Variants in VSIG10 observed in about 807,000 individuals in gnomAD.
VSIG10 encodes the protein V-set and immunoglobulin domain-containing protein 10.
A neutral mutation model predicts 58.7 loss-of-function variants in VSIG10; 48 were observed. The ratio of observed to expected loss-of-function variants is 0.82; its 90% confidence interval spans 0.65 to 1.04. The LOEUF is 1.04. VSIG10 is among the 50% of genes least tolerant of loss of function. The probability of loss-of-function intolerance (pLI) is 0.00; values close to 1 mark genes in which losing one functional copy is unlikely to be tolerated. For missense variants in VSIG10, 628 were observed against 670.0 expected, an observed-to-expected ratio of 0.94 and a Z score of 0.69; for synonymous variants, 260 against 267.1, an observed-to-expected ratio of 0.97 and a Z score of 0.26.
intron 4 of VSIG10, among the ~76,000 whole-genome samples, chr12:118,077,184 T>C (rs531183084): frequency 4.6e-5 from 7 of 152,270 alleles, no homozygotes; most frequent in African/African-American, 1.7e-4. Context: ...CCGGCCACAC[T>C]GGTCTTCTCT....
chr12:118,092,950 A>G (rs1215737449), intron 2 of VSIG10, among the ~76,000 whole-genome samples: 14 of 151,704 alleles, frequency 9.2e-5, no homozygotes, highest in Non-Finnish European at 1.6e-4. Context: ...TATGATTTTC[A>G]TGTCACAAAT....
At chr12:118,084,621 G>A (rs1434826061) in intron 2 of VSIG10, among the ~76,000 whole-genome samples, 1 of 152,160 alleles carries the variant, frequency 6.6e-6, no homozygotes, top group Non-Finnish European at 1.5e-5. Flanking sequence ...GGCTCATCCT[G>A]TAATCCCAGC....
chr12:118,075,093 T>C (rs1330219700), intron 4 of VSIG10, among the ~76,000 whole-genome samples: 2 of 148,204 alleles, frequency 1.3e-5, no homozygotes, highest in African/African-American at 5.0e-5. Flanking sequence ...TATATATATG[T>C]ATATATGTAT....
At chr12:118,091,960 T>C (rs2033312916) in intron 2 of VSIG10, among the ~76,000 whole-genome samples, 1 of 152,150 alleles carries the variant, frequency 6.6e-6, no homozygotes, top group Non-Finnish European at 1.5e-5. Flanking sequence ...GGTTTCACCA[T>C]GTTAGCCAGG....
chr12:118,082,499 A>G (rs914043674), intron 2 of VSIG10, 70 bp from the exon 3 acceptor site: 9 of 1,444,874 alleles, frequency 6.2e-6, no homozygotes, highest in Non-Finnish European at 8.4e-6. Flanking sequence ...TACCAACTCT[A>G]ATATATAAAT....
At chr12:118,080,474 T>C (rs536514469) in intron 3 of VSIG10, among the ~76,000 whole-genome samples, 17 of 152,294 alleles carry the variant, frequency 1.1e-4, no homozygotes, top group African/African-American at 3.8e-4. Flanking sequence ...TCTGCATTTC[T>C]ACCGTGGTTT....
chr12:118,072,807 T>G (rs990650076), intron 5 of VSIG10, among the ~76,000 whole-genome samples: 1 of 151,946 alleles, frequency 6.6e-6, no homozygotes, highest in Non-Finnish European at 1.5e-5. Context: ...ACAGGGAGGG[T>G]TCCCAGGTAA....
chr12:118,098,684 A>C (rs1339128629), intron 1 of VSIG10, among the ~76,000 whole-genome samples: 1 of 152,152 alleles, frequency 6.6e-6, no homozygotes, highest in Non-Finnish European at 1.5e-5. Context: ...AGGAAGCCAA[A>C]CTGAGATCTG....
intron 1 of VSIG10, among the ~76,000 whole-genome samples, chr12:118,103,392 C>T (rs1195232554): frequency 1.3e-5 from 2 of 152,146 alleles, no homozygotes; most frequent in South Asian, 2.1e-4. Flanking sequence ...GGTATCTCGC[C>T]CCGCACCGGG....
chr12:118,066,477 G>A lies in VSIG10; in HGVS notation c.*162C>T, dbSNP rs921599100. 5 of 709,662 alleles carry A rather than the reference G, an allele frequency of 7.0e-6. No homozygotes were observed. Among genetic ancestry groups the A allele is most frequent in the African/African-American group, 5.3e-5 (3 of 56,418 alleles). 44.0% of individuals were successfully genotyped at this position (709,662 alleles called of 1,614,324 possible). Reference sequence around the variant, plus strand: ...AACCAATGTTTTTCAATACATGGAAGGAAAGATGTGTGTGCTTGGTTTTGT... The same window carrying A: ...AACCAATGTTTTTCAATACATGGAAAGAAAGATGTGTGTGCTTGGTTTTGT... On this transcript the variant is annotated 3_prime_UTR_variant, in exon 9 of 9. Transcript: ENST00000359236.
chr12:118,090,479 C>T (rs536002615), intron 2 of VSIG10, among the ~76,000 whole-genome samples: 25 of 152,190 alleles, frequency 1.6e-4, no homozygotes, highest in Admixed American at 5.2e-4. Context: ...ATAATTCAAT[C>T]CATAGCACAG....
chr12:118,069,724 G>A (rs1466590954), intron 7 of VSIG10, among the ~76,000 whole-genome samples: 1 of 152,160 alleles, frequency 6.6e-6, no homozygotes, highest in African/African-American at 2.4e-5. Flanking sequence ...ACTGCACCCG[G>A]CCTGGACTAT....
At chr12:118,081,806 C>T (rs149811681) in intron 3 of VSIG10, among the ~76,000 whole-genome samples, 4 of 152,110 alleles carry the variant, frequency 2.6e-5, no homozygotes, top group East Asian at 1.9e-4. Context: ...CACCTGAGGT[C>T]GGGAGTTCAA....
At chr12:118,084,808 A>G (rs2033070212) in intron 2 of VSIG10, among the ~76,000 whole-genome samples, 1 of 152,182 alleles carries the variant, frequency 6.6e-6, no homozygotes, top group African/African-American at 2.4e-5. Context: ...AAACAAGGTC[A>G]GGAGATCGAG....
chr12:118,065,564 G>C lies in VSIG10; in HGVS notation c.*1075C>G, dbSNP rs549006020. ...CCTGCAGGGTTACTTCAGACAACCA[G>C]CTTCTCATTTTAGAGTCCCAGTTCT... is the stretch of plus-strand genomic sequence containing the variant. On this transcript the variant is annotated 3_prime_UTR_variant, in exon 9 of 9. Transcript: ENST00000359236. 2 of 152,316 alleles carry C rather than the reference G, an allele frequency of 1.3e-5. No individual in the cohort carries two copies. Among genetic ancestry groups the C allele is most frequent in the Admixed American group, 1.3e-4 (2 of 15,288 alleles). The allele number at this position is 152,316 out of a possible 1,614,324, so 9.4% of individuals were successfully genotyped here. A position where few individuals can be genotyped will look rare whatever the true frequency, so the allele number is the denominator to read the frequency against.
intron 7 of VSIG10, among the ~76,000 whole-genome samples, chr12:118,070,220 G>C (rs1055803177): frequency 6.6e-6 from 1 of 151,972 alleles, no homozygotes; most frequent in African/African-American, 2.4e-5. Context: ...TTTTGGGAGG[G>C]GGTTCTGGGC....
At chr12:118,102,068 C>A (rs1289332603) in intron 1 of VSIG10, 2 of 152,350 alleles carry the variant, frequency 1.3e-5, no homozygotes, top group African/African-American at 4.8e-5. Flanking sequence ...AGTGATTGCA[C>A]CACTGCACTC....
At position 118,073,823 on chromosome 12, in the gene VSIG10, C is replaced by A. The variant is rs550077645; in HGVS notation, c.1095G>T (p.Gln365His). 6.2e-7 allele frequency: 1 copy of A among 1,613,944 alleles called. No homozygotes were observed. Among genetic ancestry groups the A allele is most frequent in the Non-Finnish European group, 8.5e-7 (1 of 1,179,882 alleles). The stretch of plus-strand genomic sequence containing the variant: ...TAGTGAGGGTGGAGTTCTGGCCATC[C>A]TGGGTAATGAGATGGCGGCTGCTAG... ...IQPSSRHLIT[Q>H]DGQNSTLTIH... The change falls in exon 5 of 9, where the codon CAG (glutamine) becomes CAT (histidine). Residue 365 changes from glutamine (Q) to histidine (H), a missense_variant. Gln to His is a conservative substitution (Grantham distance 24, BLOSUM62 0). Transcript: ENST00000359236.
At position 118,073,992 on chromosome 12, in the gene VSIG10, C is replaced by T. The variant is rs1229230021; in HGVS notation, c.926G>A (p.Arg309Lys). The T allele has an allele frequency of 6.5e-7, 1 of 1,543,444 alleles. No individual in the cohort carries two copies. Among genetic ancestry groups the T allele is most frequent in the African/African-American group, 1.4e-5 (1 of 72,858 alleles). Reference sequence around the variant, plus strand: ...GGGCTCAGAGAGAAGGGAGGGACCCCCTGGTGATCAGAAGGTAAACAAAGA... The same window carrying T: ...GGGCTCAGAGAGAAGGGAGGGACCCTCTGGTGATCAGAAGGTAAACAAAGA... Reference protein sequence around the residue: ...ESGASCMVQIRGPSLLSEPMK... With the variant: ...ESGASCMVQIKGPSLLSEPMK... Residue 309 changes from arginine (R) to lysine (K), a missense_variant and splice_region_variant, in exon 5 of 9, where the codon AGG (arginine) becomes AAG (lysine). Transcript: ENST00000359236.
Sources: gnomAD v4.1 joint callset for allele counts (sites outside exome capture counted in the v4.1 genomes callset) on GRCh38, gnomAD v4.1.1 for gene constraint, MANE v1.5 for transcripts, NCBI Gene and HGNC (gene_info 2026-07-23, HGNC 2026-07-21) for gene names.